Variants in RAPGEF6 observed in about 807,000 individuals in gnomAD.
RAPGEF6 encodes PDZ domain containing guanine nucleotide exchange factor (GEF) 2.
RAPGEF6 carries 56 observed loss-of-function variants against 171.4 expected under a neutral mutation model. The ratio of observed to expected loss-of-function variants is 0.33; its 90% CI spans 0.26 to 0.41. The LOEUF (loss-of-function observed/expected upper bound fraction) is 0.41. Ranked by LOEUF, RAPGEF6 falls within the 10% of genes least tolerant of loss-of-function variation. The pLI is 1.00. For missense variants in RAPGEF6, 1,674 were observed against 1,921.4 expected, an observed-to-expected ratio of 0.87 and a Z score of 2.41; for synonymous variants, 692 against 650.1, an observed-to-expected ratio of 1.06 and a Z score of -0.98.
At chr5:131,478,106 A>T (rs139938903) in intron 16 of RAPGEF6, among the ~76,000 whole-genome samples, 55 of 152,314 alleles carry the variant, frequency 3.6e-4, no homozygotes, top group Non-Finnish European at 6.3e-4. Flanking sequence ...GGATAGAATG[A>T]GTAATGAACT....
At chr5:131,521,770 A>G (rs1045114384) in intron 6 of RAPGEF6, among the ~76,000 whole-genome samples, 8 of 151,416 alleles carry the variant, frequency 5.3e-5, no homozygotes, top group Non-Finnish European at 8.8e-5. Flanking sequence ...TTTCAGAGGA[A>G]AAACTTGGCC....
At chr5:131,520,025 C>A (rs1375244229) in intron 7 of RAPGEF6, among the ~76,000 whole-genome samples, 1 of 152,124 alleles carries the variant, frequency 6.6e-6, no homozygotes, top group Non-Finnish European at 1.5e-5. Flanking sequence ...CTGTAAAAAG[C>A]AAACAGGGAG....
chr5:131,492,991 AG>A (rs1340050976), intron 13 of RAPGEF6, among the ~76,000 whole-genome samples: 2 of 152,216 alleles, frequency 1.3e-5, no homozygotes, highest in Admixed American at 1.3e-4. Flanking sequence ...TATCATAGGT[AG>A]ATTTCCAAGT....
At chr5:131,477,625 G>A (rs535664316) in intron 16 of RAPGEF6, among the ~76,000 whole-genome samples, 48 of 152,330 alleles carry the variant, frequency 3.2e-4, no homozygotes, top group African/African-American at 1.0e-3. Flanking sequence ...AAAGGATAAT[G>A]TGGAGATGAG....
chr5:131,625,369 G>A (rs924528620), intron 1 of RAPGEF6, among the ~76,000 whole-genome samples: 1 of 152,200 alleles, frequency 6.6e-6, no homozygotes, highest in Non-Finnish European at 1.5e-5. Flanking sequence ...AAAAAAGTCT[G>A]GGGGAGGAGG....
At chr5:131,545,913 C>G (rs1238081071) in intron 6 of RAPGEF6, among the ~76,000 whole-genome samples, 2 of 152,000 alleles carry the variant, frequency 1.3e-5, no homozygotes, top group Non-Finnish European at 2.9e-5. Flanking sequence ...GGTATACATG[C>G]AAAAATGCCA....
intron 15 of RAPGEF6, among the ~76,000 whole-genome samples, chr5:131,487,127 G>GAC (rs754496777): frequency 1.8e-3 from 275 of 152,314 alleles, no homozygotes; most frequent in Non-Finnish European, 3.2e-3. Flanking sequence ...TAAAGATGGT[G>GAC]TGTCTGGAGT....
At chr5:131,436,504 TA>T in intron 24 of RAPGEF6, 1 of 887,418 alleles carries the variant, frequency 1.1e-6, no homozygotes, top group Non-Finnish European at 1.7e-6. Flanking sequence ...TCTAGCAACA[TA>T]TTTTTTAATG....
intron 21 of RAPGEF6, chr5:131,450,179 C>T (rs1163992523): frequency 3.1e-6 from 3 of 968,684 alleles, no homozygotes; most frequent in African/African-American, 3.3e-5. Flanking sequence ...AAAATTACAG[C>T]TTAACAGTAA....
At chr5:131,598,661 G>A (rs1185785966) in intron 3 of RAPGEF6, among the ~76,000 whole-genome samples, 1 of 152,160 alleles carries the variant, frequency 6.6e-6, no homozygotes, top group Non-Finnish European at 1.5e-5. Flanking sequence ...AAGTGTTACA[G>A]AAAAAACTGC....
rs753705203 is a variant in RAPGEF6, at chr5:131,487,748, A to G, written c.1840+1798T>C. 3.3e-5 allele frequency among the ~76,000 whole-genome samples: 5 copies of G among 152,054 alleles called. No homozygotes were observed. In the East Asian group the frequency reaches 9.6e-4, roughly 29 times the overall value. On this transcript the variant is annotated intron_variant, in intron 15 of 27. Coordinates refer to ENST00000509018, the MANE Select transcript of RAPGEF6 (RefSeq NM_016340.6). ...TTCACCTCTCAGTATCACTGAACCA[A>G]TGTCTTCTGGTCACAGGTTTCCTTT...
intron 11 of RAPGEF6, 34 bp from the exon 12 acceptor site, chr5:131,498,641 A>G: frequency 6.3e-7 from 1 of 1,588,752 alleles, no homozygotes; most frequent in Non-Finnish European, 8.6e-7. Flanking sequence ...ATTAGAAAAT[A>G]AACAAATGAC....
At chr5:131,487,260 A>G (rs949619474) in intron 15 of RAPGEF6, among the ~76,000 whole-genome samples, 3 of 152,218 alleles carry the variant, frequency 2.0e-5, no homozygotes, top group Non-Finnish European at 2.9e-5. Context: ...GTGCAGACCC[A>G]AAGAGTGAGC....
chr5:131,571,589 T>C (rs1337604722), intron 4 of RAPGEF6, among the ~76,000 whole-genome samples: 1 of 152,226 alleles, frequency 6.6e-6, no homozygotes, highest in Non-Finnish European at 1.5e-5. Flanking sequence ...AATGGAGTGA[T>C]GTACCTCATT....
At chr5:131,590,389 T>C (rs940274638) in intron 4 of RAPGEF6, among the ~76,000 whole-genome samples, 4 of 152,166 alleles carry the variant, frequency 2.6e-5, no homozygotes, top group Non-Finnish European at 5.9e-5. Context: ...AGCGACTCTG[T>C]CTCAAATTTA....
chr5:131,568,503 G>C (rs1156829565), intron 4 of RAPGEF6, among the ~76,000 whole-genome samples: 1 of 151,904 alleles, frequency 6.6e-6, no homozygotes, highest in Non-Finnish European at 1.5e-5. Flanking sequence ...TTTTTTTGTA[G>C]AGACAGGGGT....
rs970984626 is a variant in RAPGEF6, at chr5:131,566,746, T to C, written c.282-4699A>G. Among the ~76,000 whole-genome samples the C allele has an allele frequency of 1.2e-4, 19 of 152,008 alleles. 1 individual carries two copies. On this transcript the variant is annotated intron_variant, in intron 4 of 27. Transcript: ENST00000509018. ...CAAAGTTTCTTTTTCTTTTTTTTTT[T>C]TGAGCCTTTTTTTGTAATGTATGTC...
chr5:131,593,113 A>G (rs1763686914), intron 3 of RAPGEF6, among the ~76,000 whole-genome samples: 1 of 152,226 alleles, frequency 6.6e-6, no homozygotes, highest in Non-Finnish European at 1.5e-5. Flanking sequence ...GCAAATGAAA[A>G]CAACTCTAAA....
intron 4 of RAPGEF6, among the ~76,000 whole-genome samples, chr5:131,579,597 G>A (rs1762814879): frequency 6.6e-6 from 1 of 152,036 alleles, no homozygotes; most frequent in Non-Finnish European, 1.5e-5. Flanking sequence ...CACTACATTA[G>A]CTAGACACAG....
Sources: gnomAD v4.1 joint callset for allele counts (sites outside exome capture counted in the v4.1 genomes callset) on GRCh38, gnomAD v4.1.1 for gene constraint, MANE v1.5 for transcripts, NCBI Gene and HGNC (gene_info 2026-07-23, HGNC 2026-07-21) for gene names.